ATE1: variants seen among roughly 807,000 people sequenced by gnomAD.
The protein encoded by ATE1 is arginyl-tRNA--protein transferase 1.
In ATE1, 36 loss-of-function variants were observed where a neutral mutation model predicts 70.5. The ratio of observed to expected loss-of-function variants is 0.51; its 90% CI spans 0.39 to 0.67. ATE1 has a LOEUF of 0.67. Ranked by LOEUF, ATE1 falls within the 30% of genes least tolerant of loss-of-function variation. The pLI is 0.00. For synonymous variants in ATE1, 232 were observed against 219.3 expected (o/e 1.06, Z -0.51); for missense variants, 593 against 629.5 (o/e 0.94, Z 0.62).
chr10:121,815,263 G>A (rs1947493235), intron 10 of ATE1, among the ~76,000 whole-genome samples: 1 of 152,176 alleles, frequency 6.6e-6, no homozygotes, highest in Non-Finnish European at 1.5e-5. Context: ...AGCCTCCCGA[G>A]TAGCTGGGAC....
chr10:121,881,802 T>C (rs946004308), intron 7 of ATE1, among the ~76,000 whole-genome samples: 1 of 152,166 alleles, frequency 6.6e-6, no homozygotes, highest in African/African-American at 2.4e-5. Context: ...TGTTTTGCTT[T>C]GTTTTGTTTT....
rs1450176692 is a variant in ATE1, at chr10:121,741,926, A to T, written c.*1754T>A. On this transcript the variant is annotated 3_prime_UTR_variant, in exon 12 of 12. Coordinates refer to ENST00000224652, the MANE Select transcript of ATE1 (RefSeq NM_001001976.3). ...TTTATTTATACTTCTTAATGTTCTA[A>T]CTGCTTACAGTGTCACTTTTGTTAT... 1 of 152,158 alleles carries T rather than the reference A, an allele frequency of 6.6e-6. No homozygotes were observed. The highest frequency in any genetic ancestry group is 1.9e-4 in the East Asian group (1 of 5,202). The allele number at this position is 152,158 out of a possible 1,614,324, so 9.4% of individuals were successfully genotyped here. A position where few individuals can be genotyped will look rare whatever the true frequency, so the allele number is the denominator to read the frequency against.
intron 11 of ATE1, among the ~76,000 whole-genome samples, chr10:121,759,522 GA>G (rs1944946790): frequency 6.6e-6 from 1 of 152,134 alleles, no homozygotes; most frequent in African/African-American, 2.4e-5. Context: ...AGGAGATTGA[GA>G]CCATCCCGGC....
chr10:121,911,060 G>A lies in ATE1; in HGVS notation c.429C>T (p.Leu143=). 4 of 1,613,332 alleles carry A rather than the reference G, an allele frequency of 2.5e-6. No individual in the cohort carries two copies. The highest frequency in any genetic ancestry group is 3.4e-6 in the Non-Finnish European group (4 of 1,179,884). Residue 143 remains leucine, a synonymous_variant, in exon 5 of 12, where the codon CTC becomes CTT. Transcript: ENST00000224652. ...CTAAACTCTCTTTGATGTCATCACT[G>A]AGTGTTTTAAGATCACACTGTATAT... ...KLDIQCDLKT[L]SDDIKESLES...
intron 5 of ATE1, 110 bp downstream of exon 5, chr10:121,910,796 A>C (rs1190640733): frequency 3.2e-5 from 45 of 1,427,274 alleles, no homozygotes; most frequent in East Asian, 9.1e-5. Flanking sequence ...TCTGTTTTAC[A>C]GACTGCACGA....
intron 7 of ATE1, chr10:121,899,074 C>T (rs1950880770): frequency 1.5e-6 from 2 of 1,342,718 alleles, no homozygotes; most frequent in Non-Finnish European, 2.0e-6. Flanking sequence ...CGCCAAAGCT[C>T]GAACTCGAAT....
chr10:121,811,101 T>C lies in ATE1; in HGVS notation c.1258-20812A>G, dbSNP rs553588747. On this transcript the variant is annotated intron_variant, in intron 10 of 11. Coordinates refer to ENST00000224652, the MANE Select transcript of ATE1 (RefSeq NM_001001976.3). ...TACAAACAGTATATAAAGTATTGTATTGCTGTTAAATTTACTGAAATTGAT... is the reference window on the plus strand; with the variant it reads ...TACAAACAGTATATAAAGTATTGTACTGCTGTTAAATTTACTGAAATTGAT... Among the ~76,000 whole-genome samples, 160 of 152,366 alleles carry C rather than the reference T, an allele frequency of 1.1e-3. 2 individuals are homozygous for C. The highest frequency in any genetic ancestry group is 3.8e-3 in the African/African-American group (156 of 41,598).
At chr10:121,890,297 AATTATC>A (rs1950536695) in intron 7 of ATE1, among the ~76,000 whole-genome samples, 1 of 152,232 alleles carries the variant, frequency 6.6e-6, no homozygotes, top group South Asian at 2.1e-4. Context: ...GATATTTACA[AATTATC>A]ATTAAGTTTC....
chr10:121,802,981 T>G (rs555337426), intron 10 of ATE1, among the ~76,000 whole-genome samples: 1 of 152,300 alleles, frequency 6.6e-6, no homozygotes, highest in African/African-American at 2.4e-5. Context: ...AATGGGGAAA[T>G]CTAATTTAGA....
At chr10:121,817,387 A>G (rs1947592464) in intron 10 of ATE1, among the ~76,000 whole-genome samples, 1 of 152,126 alleles carries the variant, frequency 6.6e-6, no homozygotes. Context: ...ACACACAAAA[A>G]AATTAGCCGG....
At chr10:121,815,795 G>A (rs1428466528) in intron 10 of ATE1, among the ~76,000 whole-genome samples, 1 of 152,154 alleles carries the variant, frequency 6.6e-6, no homozygotes, top group African/African-American at 2.4e-5. Context: ...GTCACTAACC[G>A]TTTAAACAGG....
intron 2 of ATE1, among the ~76,000 whole-genome samples, chr10:121,923,837 A>G (rs147295063): frequency 4.5e-4 from 69 of 152,350 alleles, no homozygotes; most frequent in African/African-American, 1.3e-3. Context: ...AAGAATTTTT[A>G]TTAATTTTGT....
At chr10:121,776,919 G>A (rs769831775) in intron 11 of ATE1, among the ~76,000 whole-genome samples, 1 of 152,248 alleles carries the variant, frequency 6.6e-6, no homozygotes, top group Non-Finnish European at 1.5e-5. Context: ...TGAAAGGGCA[G>A]TGTGGTGAAA....
rs549259667 is a variant in ATE1 at position 121,750,748 on chromosome 10, C to T, written c.1379-6890G>A. Among the ~76,000 whole-genome samples, 3 of 152,288 alleles carry T rather than the reference C, an allele frequency of 2.0e-5. No individual in the cohort carries two copies. In the East Asian group the frequency reaches 5.8e-4, roughly 29 times the overall value. ...TTATTTACTGCTACATACAGCATTA[C>T]TACATAAATAAAACAAGTTACATAC... On this transcript the variant is annotated intron_variant, in intron 11 of 11. Transcript: ENST00000224652.
chr10:121,886,071 C>A (rs1011039091), intron 7 of ATE1, among the ~76,000 whole-genome samples: 3 of 152,054 alleles, frequency 2.0e-5, no homozygotes, highest in Non-Finnish European at 4.4e-5. Flanking sequence ...CCTTGATTGT[C>A]ATGTTGGCAC....
chr10:121,918,332 CAAA>C (rs1256639168), intron 3 of ATE1, among the ~76,000 whole-genome samples: 4 of 79,778 alleles, frequency 5.0e-5, no homozygotes, highest in Admixed American at 1.4e-4. Context: ...GATTCTGTCT[CAAA>C]AAAAAAAAAA....
chr10:121,885,760 C>T (rs1950375505), intron 7 of ATE1, among the ~76,000 whole-genome samples: 2 of 151,624 alleles, frequency 1.3e-5, no homozygotes, highest in South Asian at 4.2e-4. Flanking sequence ...ATTAGCCGGG[C>T]TTGGAGTCAT....
intron 10 of ATE1, among the ~76,000 whole-genome samples, chr10:121,830,094 T>A (rs1180225580): frequency 1.3e-5 from 2 of 152,212 alleles, no homozygotes; most frequent in African/African-American, 2.4e-5. Context: ...ACTGAAAAGA[T>A]CTACTTTAAT....
At chr10:121,915,615 C>T (rs7893846) in intron 3 of ATE1, among the ~76,000 whole-genome samples, 68,750 of 151,860 alleles carry the variant, frequency 0.45, 16,176 homozygotes, top group African/African-American at 0.58. Context: ...AGAGGCCGGG[C>T]GCCGTGGCTC....
Sources: gnomAD v4.1 joint callset for allele counts (sites outside exome capture counted in the v4.1 genomes callset) on GRCh38, gnomAD v4.1.1 for gene constraint, MANE v1.5 for transcripts, NCBI Gene and HGNC (gene_info 2026-07-23, HGNC 2026-07-21) for gene names.